Variants in PLA2G4E observed in about 807,000 individuals in gnomAD.
PLA2G4E encodes phospholipase A2 group IVE, also known as cytosolic phospholipase A2 epsilon.
A neutral mutation model predicts 109.1 loss-of-function variants in PLA2G4E; 84 were observed. The observed-to-expected ratio is 0.77, with a 90% CI of 0.65 to 0.92. The LOEUF (loss-of-function observed/expected upper bound fraction) is 0.92. PLA2G4E is among the 40% of genes least tolerant of loss of function. The pLI is 0.00. For missense variants in PLA2G4E, 1,057 were observed against 1,076.6 expected (o/e 0.98, Z 0.25); for synonymous variants, 469 against 436.1 (o/e 1.08, Z -0.94).
intron 5 of PLA2G4E, among the ~76,000 whole-genome samples, chr15:42,004,366 G>C (rs968585093): frequency 1.4e-5 from 2 of 147,012 alleles, no homozygotes; most frequent in African/African-American, 4.9e-5. Context: ...GAGAGAGGGA[G>C]AAAGGGAGAA....
intron 11 of PLA2G4E, among the ~76,000 whole-genome samples, chr15:41,995,716 G>A (rs920526717): frequency 3.3e-5 from 5 of 152,210 alleles, no homozygotes; most frequent in Non-Finnish European, 7.3e-5. Flanking sequence ...GTCAGTGAAG[G>A]ACTCTGAAGC....
At chr15:41,983,760 G>A (rs1275100487) in exon 20 of PLA2G4E, 2 of 1,589,692 alleles carry the variant, frequency 1.3e-6, no homozygotes, top group Admixed American at 1.8e-5. Context: ...GGGCCTAGGA[G>A]GGACACTGGC....
intron 2 of PLA2G4E, among the ~76,000 whole-genome samples, chr15:42,012,691 C>G (rs1207159854): frequency 6.6e-6 from 1 of 152,218 alleles, no homozygotes; most frequent in Non-Finnish European, 1.5e-5. Context: ...TCCCTGGTGA[C>G]AAGATGGGAA....
chr15:42,034,252 A>G (rs1378696748), intron 1 of PLA2G4E, among the ~76,000 whole-genome samples: 1 of 152,242 alleles, frequency 6.6e-6, no homozygotes, highest in Non-Finnish European at 1.5e-5. Context: ...TATTTTTGGA[A>G]GTAGAGACAT....
Position 41,989,440 on chromosome 15 carries a change from C to T in PLA2G4E, c.1698G>A (p.Pro566=), listed in dbSNP as rs557017580. The change falls in exon 15 of 20, where the codon CCG becomes CCA. Residue 566 remains proline (P), a synonymous_variant. Coordinates refer to ENST00000399518, the Ensembl canonical transcript of PLA2G4E. The stretch of plus-strand genomic sequence containing the variant: ...CTAGCATGTAGCAGATTCGAGACTC[C>T]GGGATCCTCTTCACCAGCCGCCCCA... 3.6e-5 allele frequency: 58 copies of T among 1,614,002 alleles called. No homozygotes were observed. In the East Asian group the frequency reaches 5.8e-4, roughly 16 times the overall value.
intron 1 of PLA2G4E, among the ~76,000 whole-genome samples, chr15:42,015,045 G>A (rs2068575676): frequency 6.6e-6 from 1 of 152,006 alleles, no homozygotes; most frequent in Non-Finnish European, 1.5e-5. Context: ...CACCTCCTGG[G>A]GGCTCTGCCA....
chr15:42,034,608 G>C (rs553099156), intron 1 of PLA2G4E, among the ~76,000 whole-genome samples: 1 of 152,270 alleles, frequency 6.6e-6, no homozygotes, highest in East Asian at 1.9e-4. Flanking sequence ...TCAGTGATTG[G>C]TTCAGGAACA....
chr15:41,994,758 A>G (rs1390911890), intron 12 of PLA2G4E, among the ~76,000 whole-genome samples: 1 of 152,272 alleles, frequency 6.6e-6, no homozygotes, highest in African/African-American at 2.4e-5. Context: ...AAATGTATTC[A>G]TATTATTTAT....
At chr15:42,042,273 A>T (rs1280414253) in intron 1 of PLA2G4E, among the ~76,000 whole-genome samples, 3 of 152,232 alleles carry the variant, frequency 2.0e-5, no homozygotes, top group Non-Finnish European at 2.9e-5. Context: ...ATACGTATAT[A>T]TAAAGAAAAT....
At chr15:42,035,354 C>A (rs1889191087) in intron 1 of PLA2G4E, among the ~76,000 whole-genome samples, 2 of 152,206 alleles carry the variant, frequency 1.3e-5, no homozygotes, top group African/African-American at 4.8e-5. Flanking sequence ...CTGGGAGGAG[C>A]AACCAGCACC....
intron 5 of PLA2G4E, among the ~76,000 whole-genome samples, 174 bp downstream of exon 5, chr15:42,004,764 A>G (rs74627546): frequency 6.6e-6 from 1 of 152,182 alleles, no homozygotes; most frequent in Non-Finnish European, 1.5e-5. Flanking sequence ...CTCCTACACT[A>G]TGGAGAAGCT....
rs1232164220 is a variant in PLA2G4E at position 41,985,824 on chromosome 15, A to G, written c.2202+15T>C. 6.2e-7 allele frequency: 1 copy of G among 1,603,866 alleles called. No homozygotes were observed. The stretch of plus-strand genomic sequence containing the variant: ...AGGCTGCAGCCCATGCTCAGGAGGG[A>G]GGCTGCGCACTTGCCTTTGTCTGGG... On this transcript the variant is annotated intron_variant, in intron 18 of 19. Coordinates refer to ENST00000399518, the Ensembl canonical transcript of PLA2G4E.
Position 42,045,770 on chromosome 15 carries a change from A to G in PLA2G4E, c.183+4751T>C, listed in dbSNP as rs181661328. Among the ~76,000 whole-genome samples, 13 of 152,322 alleles carry G rather than the reference A, an allele frequency of 8.5e-5. No individual in the cohort carries two copies. In the East Asian group the frequency reaches 2.5e-3, roughly 29 times the overall value. On this transcript the variant is annotated intron_variant, in intron 1 of 19. Transcript: ENST00000399518. ...TCTTTATCCTTTAGAGATGTCATCC[A>G]GCTCCATGGCTTAAAAACCTTCTAC...
intron 15 of PLA2G4E, 122 bp downstream of exon 15, chr15:41,989,293 C>T: frequency 7.3e-7 from 1 of 1,367,152 alleles, no homozygotes. Flanking sequence ...TGACTTGGGA[C>T]CACTCCTAGG....
chr15:41,987,230 C>A, exon 17 of PLA2G4E: 1 of 1,613,970 alleles, frequency 6.2e-7, no homozygotes, highest in Non-Finnish European at 8.5e-7. Context: ...GCAGCCCAGA[C>A]AGGAAGTTGT....
chr15:41,989,178 C>T (rs185498837), intron 15 of PLA2G4E, among the ~76,000 whole-genome samples: 391 of 152,318 alleles, frequency 2.6e-3, no homozygotes, highest in African/African-American at 8.9e-3. Context: ...GTTACAGAAG[C>T]TTCCGTCTGA....
At chr15:41,989,832 GTC>G (rs1056444945) in intron 14 of PLA2G4E, among the ~76,000 whole-genome samples, 9 of 152,120 alleles carry the variant, frequency 5.9e-5, no homozygotes, top group Admixed American at 1.3e-4. Flanking sequence ...GCTCTCTCGA[GTC>G]TCTCTCTCTC....
intron 1 of PLA2G4E, among the ~76,000 whole-genome samples, chr15:42,022,622 G>T (rs1595572779): frequency 6.6e-6 from 1 of 151,990 alleles, no homozygotes; most frequent in African/African-American, 2.4e-5. Flanking sequence ...TTAACAATAG[G>T]GTTTGTGCTC....
chr15:42,005,957 G>A (rs1178796877), intron 4 of PLA2G4E, 33 bp downstream of exon 4: 1 of 1,608,846 alleles, frequency 6.2e-7, no homozygotes, highest in East Asian at 2.2e-5. Context: ...TTATCATGAA[G>A]CCGGAGTCTG....
Sources: allele counts gnomAD v4.1 joint callset (sites outside exome capture counted in the v4.1 genomes callset), GRCh38; gene constraint gnomAD v4.1.1; transcripts MANE v1.5; gene names NCBI Gene and HGNC (gene_info 2026-07-23, HGNC 2026-07-21).